The following RAB33B variants were observed in gnomAD, a reference collection of about 807,000 sequenced individuals.
The protein encoded by RAB33B is RAB33B, member RAS oncogene family.
Under a neutral mutation model 15.0 loss-of-function variants are expected in RAB33B, and 6 were observed. The ratio of observed to expected loss-of-function variants is 0.40; its 90% CI spans 0.22 to 0.79. The LOEUF (loss-of-function observed/expected upper bound fraction) is 0.79. Ranked by LOEUF, RAB33B falls within the 30% of genes least tolerant of loss-of-function variation. RAB33B has a pLI of 0.37. For synonymous variants in RAB33B, 117 were observed against 108.3 expected (o/e 1.08, Z -0.50); for missense variants, 257 against 296.4 (o/e 0.87, Z 0.98).
At chr4:139,441,200 G>C in the RAB33B span, among the ~76,000 whole-genome samples, 1 of 152,156 alleles carries the variant, frequency 6.6e-6, no homozygotes, top group South Asian at 2.1e-4. Context: ...ACTTCTTAAA[G>C]GTTACGCTTA....
chr4:139,470,057 G>A (rs867827258), intron 1 of RAB33B, among the ~76,000 whole-genome samples: 1 of 152,192 alleles, frequency 6.6e-6, no homozygotes, highest in Non-Finnish European at 1.5e-5. Flanking sequence ...CCTGGCTACC[G>A]CCTATGTTTA....
the RAB33B span, among the ~76,000 whole-genome samples, chr4:139,445,936 G>A: frequency 6.6e-6 from 1 of 152,132 alleles, no homozygotes; most frequent in Non-Finnish European, 1.5e-5. Flanking sequence ...ACAGCTTTTG[G>A]CCTGTTACTG....
chr4:139,470,845 G>A (rs1240345060), intron 1 of RAB33B, among the ~76,000 whole-genome samples: 1 of 152,006 alleles, frequency 6.6e-6, no homozygotes, highest in Non-Finnish European at 1.5e-5. Flanking sequence ...GTAAGGCCTG[G>A]AATGAGGGCC....
chr4:139,448,153 G>A, the RAB33B span, among the ~76,000 whole-genome samples: 17,114 of 152,164 alleles, frequency 0.11, 1,322 homozygotes, highest in Non-Finnish European at 0.16. Context: ...TGAAGTCAAT[G>A]GGAAACTATA....
At chr4:139,454,047 G>C (rs950439196), upstream of RAB33B, 225 of 932,796 alleles carry the variant, frequency 2.4e-4, 4 homozygotes, top group South Asian at 1.8e-3. Flanking sequence ...GCGGGAAGGT[G>C]CGCAGGCGCG....
chr4:139,462,789 C>G (rs1335188666), intron 1 of RAB33B, among the ~76,000 whole-genome samples: 1 of 152,180 alleles, frequency 6.6e-6, no homozygotes, highest in African/African-American at 2.4e-5. Context: ...TTCACTTAAA[C>G]CCTGTTAAAA....
the RAB33B span, among the ~76,000 whole-genome samples, chr4:139,445,096 T>C: frequency 6.6e-6 from 1 of 152,232 alleles, no homozygotes; most frequent in Non-Finnish European, 1.5e-5. Context: ...GTGACTCCAA[T>C]TGTGGCTGCT....
At chr4:139,449,534 C>T (rs1486234144), upstream of RAB33B, 1 of 152,128 alleles carries the variant, frequency 6.6e-6, no homozygotes, top group African/African-American at 2.4e-5. Flanking sequence ...AATCAGCTGC[C>T]AGCACGACCA....
At chr4:139,454,542 C>A (rs1371458742) in intron 1 of RAB33B, 98 bp downstream of exon 1, 1 of 1,349,534 alleles carries the variant, frequency 7.4e-7, no homozygotes. Context: ...GTGTGCGCTC[C>A]ATTTTTTTCT....
Position 139,473,339 on chromosome 4 carries a change from A to T in RAB33B, c.*213A>T, listed in dbSNP as rs1206190835. 2 of 541,194 alleles carry T rather than the reference A, an allele frequency of 3.7e-6. No homozygotes were observed. The highest frequency in any genetic ancestry group is 6.5e-6 in the Non-Finnish European group (2 of 308,674). The allele number at this position is 541,194 out of a possible 1,614,324, so 33.5% of individuals were successfully genotyped here. On this transcript the variant is annotated 3_prime_UTR_variant, in exon 2 of 2. Coordinates refer to ENST00000305626, the MANE Select transcript of RAB33B (RefSeq NM_031296.3). ...TTTCAGGTGAGATTGAAAATGAAGCAAAGATAGGATGAATCTGAACATCTC... is the reference window on the plus strand; with the variant it reads ...TTTCAGGTGAGATTGAAAATGAAGCTAAGATAGGATGAATCTGAACATCTC...
chr4:139,470,486 C>G (rs745485238), intron 1 of RAB33B, among the ~76,000 whole-genome samples: 3 of 152,220 alleles, frequency 2.0e-5, no homozygotes, highest in Non-Finnish European at 4.4e-5. Flanking sequence ...TCCAAAAATG[C>G]TGTCCAAGAG....
chr4:139,454,922 C>T (rs1750035360), intron 1 of RAB33B, among the ~76,000 whole-genome samples: 1 of 152,178 alleles, frequency 6.6e-6, no homozygotes, highest in Admixed American at 6.5e-5. Context: ...AGCCTATTGC[C>T]TTTGAGGAAG....
chr4:139,439,502 T>C, the RAB33B span, among the ~76,000 whole-genome samples: 1 of 152,214 alleles, frequency 6.6e-6, no homozygotes, highest in Non-Finnish European at 1.5e-5. Flanking sequence ...TATCTCAGTA[T>C]GTGTTTCTTT....
intron 1 of RAB33B, among the ~76,000 whole-genome samples, chr4:139,467,095 A>C (rs1464115343): frequency 2.0e-5 from 3 of 148,834 alleles, no homozygotes; most frequent in African/African-American, 4.9e-5. Flanking sequence ...CAACCTCCCA[A>C]GTAGCTGGGA....
In RAB33B at chr4:139,454,362, G is replaced by A. The variant is rs1481705399; in HGVS notation, c.167G>A (p.Gly56Asp). 1 of 1,613,976 alleles carries A rather than the reference G, an allele frequency of 6.2e-7. No individual in the cohort carries two copies. The highest frequency in any genetic ancestry group is 1.7e-5 in the Admixed American group (1 of 60,014). Reference protein sequence around the residue: ...KTCLTYRFCAGRFPDRTEATI... With the variant: ...KTCLTYRFCADRFPDRTEATI... ...TGCCTGACCTACCGCTTCTGCGCTG[G>A]CCGCTTCCCCGACCGCACCGAGGCC... The change falls in exon 1 of 2, where the codon GGC (glycine) becomes GAC (aspartate). Residue 56 changes from glycine to aspartate, a missense_variant. Gly to Asp is a moderately conservative substitution (Grantham distance 94, BLOSUM62 -1). Coordinates refer to ENST00000305626, the MANE Select transcript of RAB33B (RefSeq NM_031296.3).
In RAB33B at chr4:139,476,366, C is replaced by T. The variant is rs930812262; in HGVS notation, c.*3240C>T. 4 of 152,206 alleles carry T rather than the reference C, an allele frequency of 2.6e-5. No individual in the cohort carries two copies. The highest frequency in any genetic ancestry group is 1.3e-4 in the Admixed American group (2 of 15,282). The allele number at this position is 152,206 out of a possible 1,614,324, so 9.4% of individuals were successfully genotyped here. Reference sequence around the variant, plus strand: ...GTGGGGGCCTCTGATGTTGATTCTGCTTCCCCTGGTCAGTTTATTTTACGT... The same window carrying T: ...GTGGGGGCCTCTGATGTTGATTCTGTTTCCCCTGGTCAGTTTATTTTACGT... On this transcript the variant is annotated 3_prime_UTR_variant, in exon 2 of 2. Transcript: ENST00000305626.
chr4:139,449,759 A>T (rs1002359976), upstream of RAB33B: 2 of 132,888 alleles, frequency 1.5e-5, no homozygotes, highest in African/African-American at 7.9e-5. Flanking sequence ...TAAACTCCAT[A>T]TATATATATA....
At chr4:139,440,801 G>A in the RAB33B span, among the ~76,000 whole-genome samples, 3 of 152,014 alleles carry the variant, frequency 2.0e-5, no homozygotes, top group Non-Finnish European at 2.9e-5. Flanking sequence ...TCGTAGAGAC[G>A]GATTTTGCCA....
At chr4:139,442,475 C>CA in the RAB33B span, among the ~76,000 whole-genome samples, 2 of 151,990 alleles carry the variant, frequency 1.3e-5, no homozygotes, top group African/African-American at 4.8e-5. Context: ...AGGGTGTTGC[C>CA]AAAGGAGTTT....
Sources: allele counts gnomAD v4.1 joint callset (sites outside exome capture counted in the v4.1 genomes callset), GRCh38; gene constraint gnomAD v4.1.1; transcripts MANE v1.5; gene names NCBI Gene and HGNC (gene_info 2026-07-23, HGNC 2026-07-21).